Variants in MAPRE1 observed in about 807,000 individuals in gnomAD.
The protein encoded by MAPRE1 is microtubule-associated protein RP/EB family member 1.
Under a neutral mutation model 32.1 loss-of-function variants are expected in MAPRE1, and 5 were observed. That is an observed-to-expected ratio of 0.16 (90% CI 0.08 to 0.33). MAPRE1 has a LOEUF of 0.33. Ranked by LOEUF, MAPRE1 falls within the 10% of genes least tolerant of loss-of-function variation. The pLI, the probability that MAPRE1 is intolerant of heterozygous loss-of-function variation, is 1.00. For synonymous variants in MAPRE1, 122 were observed against 118.9 expected (o/e 1.03, Z -0.17); for missense variants, 209 against 327.2 (o/e 0.64, Z 2.79).
At chr20:32,820,413 G>C (rs955637125) in intron 1 of MAPRE1, among the ~76,000 whole-genome samples, 2 of 152,144 alleles carry the variant, frequency 1.3e-5, no homozygotes, top group Non-Finnish European at 2.9e-5. Flanking sequence ...AGGCCGTGTT[G>C]CCTGAGGGCC....
Position 32,823,387 on chromosome 20 carries a change from C to T in MAPRE1, c.-3-2538C>T, listed in dbSNP as rs1234975606. On this transcript the variant is annotated intron_variant, in intron 1 of 6. Transcript: ENST00000375571. ...TGCATCTTTCCCCTGCCCCTCCCCA[C>T]TGGTAATGTTGCTGTCTTATGAAAT... Among the ~76,000 whole-genome samples, 5 of 151,938 alleles carry T rather than the reference C, an allele frequency of 3.3e-5. No individual in the cohort carries two copies. The East Asian group carries it at 9.6e-4, about 29-fold the overall frequency.
At chr20:32,843,749 C>G (rs1983426220) in intron 5 of MAPRE1, among the ~76,000 whole-genome samples, 1 of 152,126 alleles carries the variant, frequency 6.6e-6, no homozygotes, top group Non-Finnish European at 1.5e-5. Flanking sequence ...GCTACTGTGG[C>G]CAGTGCAGGC....
chr20:32,829,837 C>T (rs1425296934), intron 2 of MAPRE1, among the ~76,000 whole-genome samples: 1 of 152,152 alleles, frequency 6.6e-6, no homozygotes, highest in African/African-American at 2.4e-5. Flanking sequence ...AAAGATTTGG[C>T]AGGTTGTTTC....
chr20:32,831,724 G>A (rs661623), intron 2 of MAPRE1, among the ~76,000 whole-genome samples: 43,951 of 151,484 alleles, frequency 0.29, 6,742 homozygotes, highest in East Asian at 0.56. Flanking sequence ...TAATAGAGAC[G>A]GGATTTCATC....
At chr20:32,846,885 A>G in intron 6 of MAPRE1, 115 bp downstream of exon 6, 1 of 1,176,996 alleles carries the variant, frequency 8.5e-7, no homozygotes, top group Non-Finnish European at 1.2e-6. Flanking sequence ...TTCATCTTTA[A>G]CCCCTCAAAG....
At chr20:32,846,834 C>T in intron 6 of MAPRE1, 64 bp downstream of exon 6, 1 of 1,530,044 alleles carries the variant, frequency 6.5e-7, no homozygotes, top group African/African-American at 1.4e-5. Context: ...GAACTCTGTG[C>T]TGATGCTTGT....
intron 2 of MAPRE1, 67 bp downstream of exon 2, chr20:32,826,115 G>T: frequency 6.9e-7 from 1 of 1,445,896 alleles, no homozygotes; most frequent in Non-Finnish European, 9.4e-7. Context: ...GTGAAGGCCT[G>T]TATCTGACTG....
In MAPRE1 at chr20:32,849,562, C is replaced by G. The variant is rs1251910079; in HGVS notation, c.*834C>G. On this transcript the variant is annotated 3_prime_UTR_variant, in exon 7 of 7. Coordinates refer to ENST00000375571, the MANE Select transcript of MAPRE1 (RefSeq NM_012325.3). Reference sequence around the variant, plus strand: ...CTAACAACTACTTTTGGGGACTTGCCCACATCTCTGGGATTTGAATGGGGA... The same window carrying G: ...CTAACAACTACTTTTGGGGACTTGCGCACATCTCTGGGATTTGAATGGGGA... The G allele has an allele frequency of 6.6e-6, 1 of 152,488 alleles. No individual in the cohort carries two copies. The highest frequency in any genetic ancestry group is 2.4e-5 in the African/African-American group (1 of 41,408). 9.4% of individuals were successfully genotyped at this position (152,488 alleles called of 1,614,324 possible).
At chr20:32,824,361 T>G (rs1982784099) in intron 1 of MAPRE1, among the ~76,000 whole-genome samples, 1 of 152,272 alleles carries the variant, frequency 6.6e-6, no homozygotes, top group East Asian at 1.9e-4. Flanking sequence ...GTTTTGAATT[T>G]GAAAGCCTAG....
At chr20:32,826,648 T>G (rs1982861203) in intron 2 of MAPRE1, among the ~76,000 whole-genome samples, 1 of 145,984 alleles carries the variant, frequency 6.9e-6, no homozygotes. Flanking sequence ...TACTTTAGCC[T>G]CCAAAGTACC....
intron 5 of MAPRE1, 40 bp from the exon 6 acceptor site, chr20:32,846,578 C>T: frequency 6.2e-7 from 1 of 1,601,588 alleles, no homozygotes; most frequent in Admixed American, 1.7e-5. Context: ...TATTGCCATA[C>T]TAATGCCAAG....
chr20:32,824,062 C>A (rs1982774631), intron 1 of MAPRE1, among the ~76,000 whole-genome samples: 1 of 152,190 alleles, frequency 6.6e-6, no homozygotes. Context: ...AGAGAGGCTT[C>A]CTCTGACCAC....
At chr20:32,827,321 A>G (rs746168858) in intron 2 of MAPRE1, among the ~76,000 whole-genome samples, 4 of 151,380 alleles carry the variant, frequency 2.6e-5, no homozygotes, top group African/African-American at 4.9e-5. Context: ...GGCAGGAGAA[A>G]CGCTTGAGCC....
Position 32,824,501 on chromosome 20 carries a change from AAAC to A in MAPRE1, c.-3-1418_-3-1416del, listed in dbSNP as rs534151598. Among the ~76,000 whole-genome samples, 35 of 152,338 alleles carry A rather than the reference AAAC, an allele frequency of 2.3e-4. No homozygotes were observed. In the East Asian group the frequency reaches 6.4e-3, roughly 28 times the overall value. ...AACCTTGCAGAGGGCTGTCAGGGTT[AAAC>A]AACAAGTGTCTGTGAAGTATCTGGC... On this transcript the variant is annotated intron_variant, in intron 1 of 6. Coordinates refer to ENST00000375571, the MANE Select transcript of MAPRE1 (RefSeq NM_012325.3).
At chr20:32,820,408 G>A (rs1028608352) in intron 1 of MAPRE1, among the ~76,000 whole-genome samples, 1 of 152,144 alleles carries the variant, frequency 6.6e-6, no homozygotes, top group South Asian at 2.1e-4. Flanking sequence ...GTGGGAGGCC[G>A]TGTTGCCTGA....
intron 2 of MAPRE1, among the ~76,000 whole-genome samples, chr20:32,827,126 C>T (rs1982875731): frequency 6.6e-6 from 1 of 152,204 alleles, no homozygotes; most frequent in Non-Finnish European, 1.5e-5. Flanking sequence ...GATTTAAAGT[C>T]TCGGTGTGGT....
intron 4 of MAPRE1, 59 bp from the exon 5 acceptor site, chr20:32,839,676 T>C: frequency 6.3e-7 from 1 of 1,595,040 alleles, no homozygotes; most frequent in Non-Finnish European, 8.5e-7. Context: ...GTCTTGTGGA[T>C]TTTTTGTTTG....
chr20:32,844,971 C>T (rs1445931705), intron 5 of MAPRE1, among the ~76,000 whole-genome samples: 1 of 151,978 alleles, frequency 6.6e-6, no homozygotes, highest in Non-Finnish European at 1.5e-5. Flanking sequence ...CTTTGCCGGC[C>T]ACCAGGCAGT....
chr20:32,836,106 A>C (rs1983194103), intron 3 of MAPRE1, among the ~76,000 whole-genome samples: 1 of 151,900 alleles, frequency 6.6e-6, no homozygotes, highest in South Asian at 2.1e-4. Flanking sequence ...CCATAGGCGC[A>C]TGCCACCACA....
Sources: gnomAD v4.1 joint callset for allele counts (sites outside exome capture counted in the v4.1 genomes callset) on GRCh38, gnomAD v4.1.1 for gene constraint, MANE v1.5 for transcripts, NCBI Gene and HGNC (gene_info 2026-07-23, HGNC 2026-07-21) for gene names.